Variants in NPAS3 observed in about 807,000 individuals in gnomAD.
NPAS3 encodes the protein neuronal PAS domain-containing protein 3.
Under a neutral mutation model 73.1 loss-of-function variants are expected in NPAS3, and 14 were observed. The ratio of observed to expected loss-of-function variants is 0.19; its 90% CI spans 0.13 to 0.30. NPAS3 has a LOEUF of 0.30. NPAS3 is among the 10% of genes least tolerant of loss of function. The pLI, the probability that NPAS3 is intolerant of heterozygous loss-of-function variation, is 1.00. For missense variants in NPAS3, 1,096 were observed against 1,250.0 expected, an observed-to-expected ratio of 0.88 and a Z score of 1.86; for synonymous variants, 620 against 541.5, an observed-to-expected ratio of 1.14 and a Z score of -2.01.
chr14:33,606,655 G>C (rs369388291), intron 5 of NPAS3, among the ~76,000 whole-genome samples: 5 of 152,206 alleles, frequency 3.3e-5, no homozygotes, highest in African/African-American at 1.2e-4. Context: ...AGAAGAAAAC[G>C]TGAGAAAACT....
chr14:33,798,802 T>C (rs1014047489), intron 11 of NPAS3, among the ~76,000 whole-genome samples: 2 of 152,078 alleles, frequency 1.3e-5, no homozygotes, highest in Non-Finnish European at 2.9e-5. Flanking sequence ...TCCTAGCCCA[T>C]TGAGCTTATA....
At position 33,582,970 on chromosome 14, in the gene NPAS3, G is replaced by GTTTTTTTTTTTTTTTTTTTTTTTT. The variant is rs55885070; in HGVS notation, c.558+22776_558+22777insTTTTTTTTTTTTTTTTTTTTTTTT. 3.5e-4 allele frequency among the ~76,000 whole-genome samples: 33 copies of GTTTTTTTTTTTTTTTTTTTTTTTT among 93,286 alleles called. 2 individuals are homozygous for GTTTTTTTTTTTTTTTTTTTTTTTT. Among genetic ancestry groups the GTTTTTTTTTTTTTTTTTTTTTTTT allele is most frequent in the African/African-American group, 2.1e-3 (27 of 12,778 alleles). 61.2% of individuals were successfully genotyped at this position (93,286 alleles called of 152,430 possible). A position where few individuals can be genotyped will look rare whatever the true frequency, so the allele number is the denominator to read the frequency against. The stretch of plus-strand genomic sequence containing the variant: ...TCCTTTGGACCTAGATATTTAAAGG[G>GTTTTTTTTTTTTTTTTTTTTTTTT]TTTTTTTTTTTTTTTTGGCTACTGG... On this transcript the variant is annotated intron_variant, in intron 5 of 11. Transcript: ENST00000356141.
At chr14:33,351,279 C>T (rs1401448677) in intron 3 of NPAS3, among the ~76,000 whole-genome samples, 1 of 152,178 alleles carries the variant, frequency 6.6e-6, no homozygotes. Flanking sequence ...AGCACCACAC[C>T]TGCTGCCCAG....
At chr14:33,542,216 C>A (rs1351145028) in intron 4 of NPAS3, among the ~76,000 whole-genome samples, 2 of 152,172 alleles carry the variant, frequency 1.3e-5, no homozygotes, top group African/African-American at 4.8e-5. Flanking sequence ...TCTCACACCT[C>A]AACGTTTAGG....
At chr14:32,971,136 G>A (rs1162271535) in intron 1 of NPAS3, among the ~76,000 whole-genome samples, 1 of 150,360 alleles carries the variant, frequency 6.7e-6, no homozygotes, top group African/African-American at 2.4e-5. Flanking sequence ...CCATGCTGGA[G>A]GGCAGTGGCA....
intron 2 of NPAS3, among the ~76,000 whole-genome samples, chr14:33,058,440 T>TTTGGGCAAGTTACTTAATCTCC (rs1175810900): frequency 2.6e-5 from 4 of 152,204 alleles, no homozygotes; most frequent in African/African-American, 9.6e-5. Flanking sequence ...CAGGTGCATC[T>TTTGGGCAAGTTACTTAATCTCC]TTGGGCAAGT....
At chr14:33,653,111 A>C (rs991743301) in intron 5 of NPAS3, among the ~76,000 whole-genome samples, 4 of 152,194 alleles carry the variant, frequency 2.6e-5, no homozygotes, top group African/African-American at 9.6e-5. Context: ...ACTTGTGTGT[A>C]CATGTCTCTT....
chr14:33,474,422 C>T (rs905087712), intron 4 of NPAS3, among the ~76,000 whole-genome samples: 11 of 151,942 alleles, frequency 7.2e-5, no homozygotes, highest in African/African-American at 1.7e-4. Flanking sequence ...ACATACAAAA[C>T]ATATGTGTTA....
intron 2 of NPAS3, among the ~76,000 whole-genome samples, chr14:33,153,557 C>T (rs2044538744): frequency 6.6e-6 from 1 of 152,116 alleles, no homozygotes; most frequent in Non-Finnish European, 1.5e-5. Flanking sequence ...CATAACCATT[C>T]TTGGCATCCC....
intron 4 of NPAS3, among the ~76,000 whole-genome samples, chr14:33,403,560 G>A (rs887758415): frequency 1.3e-5 from 2 of 151,964 alleles, no homozygotes; most frequent in African/African-American, 4.8e-5. Context: ...TTACATGTGG[G>A]GTTGGTCATT....
chr14:33,569,134 A>T (rs2056097409), intron 5 of NPAS3, among the ~76,000 whole-genome samples: 1 of 152,346 alleles, frequency 6.6e-6, no homozygotes, highest in South Asian at 2.1e-4. Flanking sequence ...GCAGCACACC[A>T]GGTTTTCCTC....
At chr14:33,338,737 A>T (rs2044340281) in intron 3 of NPAS3, among the ~76,000 whole-genome samples, 1 of 152,212 alleles carries the variant, frequency 6.6e-6, no homozygotes. Context: ...AAATAAAATT[A>T]ATCTTTAAAA....
chr14:33,285,580 A>G (rs568191389), intron 3 of NPAS3, among the ~76,000 whole-genome samples: 11 of 152,174 alleles, frequency 7.2e-5, no homozygotes, highest in Non-Finnish European at 1.6e-4. Context: ...TGAAGAAGCT[A>G]GGTCTCAGGT....
At chr14:33,036,364 G>A (rs2040168755) in intron 1 of NPAS3, among the ~76,000 whole-genome samples, 1 of 152,134 alleles carries the variant, frequency 6.6e-6, no homozygotes, top group East Asian at 1.9e-4. Flanking sequence ...GGTGATAGAG[G>A]AGGCCCACCA....
At chr14:33,035,221 T>C (rs1231016876) in intron 1 of NPAS3, among the ~76,000 whole-genome samples, 1 of 152,214 alleles carries the variant, frequency 6.6e-6, no homozygotes, top group Non-Finnish European at 1.5e-5. Context: ...CAAGCAAAAA[T>C]CAAGGGCCTT....
intron 4 of NPAS3, among the ~76,000 whole-genome samples, chr14:33,455,922 A>G (rs1459701024): frequency 6.6e-6 from 1 of 152,204 alleles, no homozygotes; most frequent in Non-Finnish European, 1.5e-5. Context: ...CATTTAAACT[A>G]TCTAGTAAGA....
chr14:33,066,806 G>A (rs2041296404), intron 2 of NPAS3, among the ~76,000 whole-genome samples: 1 of 152,146 alleles, frequency 6.6e-6, no homozygotes, highest in Non-Finnish European at 1.5e-5. Context: ...AACTCATGAC[G>A]GTGAAGTTAC....
chr14:33,151,393 G>T (rs1320834670), intron 2 of NPAS3, among the ~76,000 whole-genome samples: 1 of 152,206 alleles, frequency 6.6e-6, no homozygotes, highest in Non-Finnish European at 1.5e-5. Context: ...AGAACATGTA[G>T]CCTCTCTTCT....
At chr14:33,192,466 T>TG (rs1236291133) in intron 2 of NPAS3, among the ~76,000 whole-genome samples, 2 of 152,210 alleles carry the variant, frequency 1.3e-5, no homozygotes, top group African/African-American at 4.8e-5. Context: ...GCCCAGGCAC[T>TG]GACACCAGAG....
Sources: gnomAD v4.1 joint callset for allele counts (sites outside exome capture counted in the v4.1 genomes callset) on GRCh38, gnomAD v4.1.1 for gene constraint, MANE v1.5 for transcripts, NCBI Gene and HGNC (gene_info 2026-07-23, HGNC 2026-07-21) for gene names.